Variants in MYRIP observed in about 807,000 individuals in gnomAD.
The protein encoded by MYRIP is rab effector MyRIP.
Under a neutral mutation model 98.0 loss-of-function variants are expected in MYRIP, and 49 were observed. The ratio of observed to expected loss-of-function variants is 0.50; its 90% CI spans 0.40 to 0.63. MYRIP has a LOEUF of 0.63. Among genes scored for constraint, MYRIP ranks in the 30% least tolerant of loss-of-function variants. MYRIP has a pLI of 0.00. For synonymous variants in MYRIP, 404 were observed against 409.5 expected (o/e 0.99, Z 0.16); for missense variants, 1,004 against 1,058.2 (o/e 0.95, Z 0.71).
intron 3 of MYRIP, among the ~76,000 whole-genome samples, chr3:40,063,153 TCA>T (rs1301582364): frequency 1.3e-5 from 2 of 152,180 alleles, no homozygotes; most frequent in African/African-American, 2.4e-5. Context: ...AATGTTGATG[TCA>T]CAAAAGACAA....
At chr3:40,245,444 C>T (rs577510348) in intron 13 of MYRIP, among the ~76,000 whole-genome samples, 4 of 151,626 alleles carry the variant, frequency 2.6e-5, no homozygotes, top group Non-Finnish European at 4.4e-5. Flanking sequence ...GTCAGGAGAT[C>T]GAGACCATCC....
At chr3:40,114,307 T>A (rs1332946336) in intron 3 of MYRIP, among the ~76,000 whole-genome samples, 1 of 152,226 alleles carries the variant, frequency 6.6e-6, no homozygotes, top group Non-Finnish European at 1.5e-5. Context: ...GTTTGTAGCC[T>A]AGGAGCAATA....
chr3:39,842,368 C>T (rs948358970), intron 1 of MYRIP, among the ~76,000 whole-genome samples: 1 of 152,192 alleles, frequency 6.6e-6, no homozygotes, highest in Non-Finnish European at 1.5e-5. Context: ...GCGAGAATTT[C>T]AAGCCAGTGG....
intron 1 of MYRIP, among the ~76,000 whole-genome samples, chr3:39,890,118 T>C (rs1326345387): frequency 6.6e-6 from 1 of 152,114 alleles, no homozygotes; most frequent in Non-Finnish European, 1.5e-5. Context: ...TTGAAAGGGT[T>C]CTCTTCTACT....
chr3:39,885,564 T>A (rs1943273152), intron 1 of MYRIP, among the ~76,000 whole-genome samples: 1 of 152,118 alleles, frequency 6.6e-6, no homozygotes, highest in South Asian at 2.1e-4. Flanking sequence ...ATTGGGGAAG[T>A]TCTCCTGGAT....
At position 40,081,158 on chromosome 3, in the gene MYRIP, T is replaced by C. The variant is rs1192989906; in HGVS notation, c.332+36887T>C. Among the ~76,000 whole-genome samples the C allele has an allele frequency of 2.6e-5, 4 of 152,152 alleles. No homozygotes were observed. The East Asian group carries it at 5.8e-4, about 22-fold the overall frequency. ...TATTTAGACTTACCTGCCCATGTTA[T>C]GGTCAACTTTCCTAAGTATTTCACA... On this transcript the variant is annotated intron_variant, in intron 3 of 16. Transcript: ENST00000302541.
chr3:40,070,931 G>A (rs1431713263), intron 3 of MYRIP, among the ~76,000 whole-genome samples: 2 of 152,198 alleles, frequency 1.3e-5, no homozygotes, highest in African/African-American at 4.8e-5. Flanking sequence ...ATTCTATGTG[G>A]TGGATTATTG....
At chr3:40,000,787 C>A (rs539290466) in intron 2 of MYRIP, among the ~76,000 whole-genome samples, 1 of 152,260 alleles carries the variant, frequency 6.6e-6, no homozygotes, top group Admixed American at 6.5e-5. Context: ...CCCTGGGAAG[C>A]CCACAGCCAC....
intron 1 of MYRIP, among the ~76,000 whole-genome samples, chr3:39,895,438 C>T (rs774061513): frequency 2.6e-5 from 4 of 152,086 alleles, no homozygotes; most frequent in African/African-American, 7.2e-5. Context: ...CCACCCACCT[C>T]GGCCTCCCAA....
intron 1 of MYRIP, among the ~76,000 whole-genome samples, chr3:39,882,769 T>C (rs1037946582): frequency 2.0e-5 from 3 of 152,154 alleles, no homozygotes; most frequent in Non-Finnish European, 4.4e-5. Flanking sequence ...CTAATAAATA[T>C]GGTATGTTTG....
At chr3:39,827,108 A>G (rs1472297762) in intron 1 of MYRIP, among the ~76,000 whole-genome samples, 1 of 151,856 alleles carries the variant, frequency 6.6e-6, no homozygotes, top group Non-Finnish European at 1.5e-5. Context: ...TTTAATTTTT[A>G]ATTTTTTGTT....
intron 4 of MYRIP, among the ~76,000 whole-genome samples, chr3:40,155,326 A>C (rs1159829095): frequency 1.1e-4 from 17 of 151,246 alleles, no homozygotes; most frequent in Admixed American, 3.3e-4. Flanking sequence ...TGAACTCATC[A>C]TTTTTTATGG....
intron 13 of MYRIP, 127 bp downstream of exon 13, chr3:40,244,734 T>C: frequency 4.7e-6 from 5 of 1,066,060 alleles, no homozygotes; most frequent in African/African-American, 1.6e-5. Context: ...TTTGCGTGGA[T>C]ACAGTCCTTC....
At chr3:39,937,484 T>C (rs1040394761) in intron 2 of MYRIP, among the ~76,000 whole-genome samples, 1 of 152,158 alleles carries the variant, frequency 6.6e-6, no homozygotes, top group East Asian at 1.9e-4. Context: ...CTCTGACCAG[T>C]TTCTGTGATG....
At chr3:39,829,712 T>C (rs763142337) in intron 1 of MYRIP, among the ~76,000 whole-genome samples, 19 of 152,094 alleles carry the variant, frequency 1.2e-4, no homozygotes, top group Non-Finnish European at 2.8e-4. Context: ...CATAATACCA[T>C]TGCACACCTA....
rs375433299 is a variant in MYRIP at position 39,903,022 on chromosome 3, T to A, written c.110+2096T>A. ...GCCAAAGAGGAATGACTGCTTGCCA[T>A]GGCAGCTCTTGTGGCACTGGAACTG... On this transcript the variant is annotated intron_variant, in intron 2 of 16. Coordinates refer to ENST00000302541, the MANE Select transcript of MYRIP (RefSeq NM_015460.4). Among the ~76,000 whole-genome samples the A allele has an allele frequency of 4.0e-4, 61 of 152,336 alleles. 3 individuals carry two copies. Among genetic ancestry groups the A allele is most frequent in the African/African-American group, 1.5e-3 (61 of 41,596 alleles).
intron 1 of MYRIP, among the ~76,000 whole-genome samples, chr3:39,816,723 T>A (rs893958084): frequency 7.2e-5 from 11 of 152,168 alleles, no homozygotes; most frequent in Non-Finnish European, 7.3e-5. Context: ...TTAAACTAAG[T>A]GTGTTAATAT....
In MYRIP at chr3:39,894,391, A is replaced by G. The variant is rs76539917; in HGVS notation, c.-30-6396A>G. On this transcript the variant is annotated intron_variant, in intron 1 of 16. Transcript: ENST00000302541. ...GAACTTTATACAATTGGGATCATCC[A>G]TCTGACTTACTTTGCTCAATACAAT... 9.0e-3 allele frequency among the ~76,000 whole-genome samples: 1,369 copies of G among 152,310 alleles called. 26 individuals are homozygous for G. Among genetic ancestry groups the G allele is most frequent in the African/African-American group, 0.031 (1,297 of 41,558 alleles).
At chr3:40,034,990 G>C (rs112667657) in intron 2 of MYRIP, among the ~76,000 whole-genome samples, 2 of 146,088 alleles carry the variant, frequency 1.4e-5, no homozygotes, top group Non-Finnish European at 3.0e-5. Flanking sequence ...ACCAAACACC[G>C]CATGTTCTCA....
Sources: gnomAD v4.1 joint callset for allele counts (sites outside exome capture counted in the v4.1 genomes callset) on GRCh38, gnomAD v4.1.1 for gene constraint, MANE v1.5 for transcripts, NCBI Gene and HGNC (gene_info 2026-07-23, HGNC 2026-07-21) for gene names.